NALF1: variants seen among roughly 807,000 people sequenced by gnomAD.
The protein encoded by NALF1 is family with sequence similarity 155 member A.
NALF1 carries 3 observed loss-of-function variants against 48.4 expected under a neutral mutation model. That is an observed-to-expected ratio of 0.06 (90% confidence interval 0.03 to 0.16). The LOEUF (loss-of-function observed/expected upper bound fraction) is 0.16, where lower values mean the gene tolerates loss of function less well. Among genes scored for constraint, NALF1 ranks in the 10% least tolerant of loss-of-function variants. The pLI is 1.00. For synonymous variants in NALF1, 262 were observed against 245.7 expected (o/e 1.07, Z -0.62); for missense variants, 526 against 571.5 (o/e 0.92, Z 0.81).
chr13:107,776,845 C>T (rs966962761), intron 1 of NALF1, among the ~76,000 whole-genome samples: 3 of 152,144 alleles, frequency 2.0e-5, no homozygotes, highest in African/African-American at 7.2e-5. Flanking sequence ...AATCCCAAAA[C>T]TTTGGGAGGC....
intron 1 of NALF1, among the ~76,000 whole-genome samples, chr13:107,707,431 G>A (rs1168152802): frequency 1.3e-5 from 2 of 152,164 alleles, no homozygotes; most frequent in Non-Finnish European, 2.9e-5. Flanking sequence ...TGTTGATGAT[G>A]TCTCTCCTAC....
intron 1 of NALF1, among the ~76,000 whole-genome samples, chr13:107,562,346 T>C (rs1428973173): frequency 6.6e-6 from 1 of 152,188 alleles, no homozygotes; most frequent in East Asian, 1.9e-4. Context: ...GCTTGTAATT[T>C]GTATATTGTA....
chr13:107,509,902 C>A (rs1283231493), intron 1 of NALF1, among the ~76,000 whole-genome samples: 3 of 152,080 alleles, frequency 2.0e-5, no homozygotes, highest in Non-Finnish European at 4.4e-5. Context: ...ACTTCCCAGG[C>A]TCAAAAGATC....
At chr13:107,543,704 T>C (rs965563035) in intron 1 of NALF1, among the ~76,000 whole-genome samples, 3 of 152,022 alleles carry the variant, frequency 2.0e-5, no homozygotes, top group African/African-American at 4.8e-5. Flanking sequence ...CACGTATATA[T>C]ATACACACAC....
chr13:107,526,467 A>T (rs1876446128), intron 1 of NALF1, among the ~76,000 whole-genome samples: 1 of 152,126 alleles, frequency 6.6e-6, no homozygotes, highest in South Asian at 2.1e-4. Context: ...TTATTTGTGT[A>T]GATCATTTAA....
chr13:107,664,897 C>T lies in NALF1; in HGVS notation c.915+200785G>A, dbSNP rs17364286. Among the ~76,000 whole-genome samples the T allele has an allele frequency of 7.5e-3, 1,142 of 152,118 alleles. 4 individuals are homozygous for T. Among genetic ancestry groups the T allele is most frequent in the Non-Finnish European group, 0.012 (807 of 67,996 alleles). ...GGGGTTTTTGTCCTCTTCTTCACATCCTACTCCAGCTCTTTGGTTTCAACT... is the reference window on the plus strand; with the variant it reads ...GGGGTTTTTGTCCTCTTCTTCACATTCTACTCCAGCTCTTTGGTTTCAACT... On this transcript the variant is annotated intron_variant, in intron 1 of 2. Coordinates refer to ENST00000375915, the MANE Select transcript of NALF1 (RefSeq NM_001080396.3).
rs564327468 is a variant in NALF1 at position 107,372,684 on chromosome 13, A to G, written c.916-161929T>C. The stretch of plus-strand genomic sequence containing the variant: ...GATCTTCAATTAGATAAGATAATAG[A>G]AAACATTTGGTGATAGATCAATGCT... On this transcript the variant is annotated intron_variant, in intron 1 of 2. Coordinates refer to ENST00000375915, the MANE Select transcript of NALF1 (RefSeq NM_001080396.3). Among the ~76,000 whole-genome samples the G allele has an allele frequency of 7.9e-5, 12 of 152,366 alleles. 1 individual carries two copies. The highest frequency in any genetic ancestry group is 2.9e-4 in the African/African-American group (12 of 41,592).
chr13:107,765,518 CCTA>C (rs1308540306), intron 1 of NALF1, among the ~76,000 whole-genome samples: 1 of 152,076 alleles, frequency 6.6e-6, no homozygotes, highest in Non-Finnish European at 1.5e-5. Flanking sequence ...ATCTTGCAAG[CCTA>C]CTTACATAGT....
chr13:107,349,689 C>T (rs760931136), intron 1 of NALF1, among the ~76,000 whole-genome samples: 3 of 146,914 alleles, frequency 2.0e-5, no homozygotes, highest in Non-Finnish European at 3.0e-5. Context: ...TTCAGTGAGC[C>T]GAGATGGGGC....
At chr13:107,218,530 C>T (rs1378195197) in intron 1 of NALF1, among the ~76,000 whole-genome samples, 5 of 152,202 alleles carry the variant, frequency 3.3e-5, no homozygotes, top group Non-Finnish European at 7.3e-5. Context: ...ACCAGGAACC[C>T]TGATGAGCCC....
intron 1 of NALF1, among the ~76,000 whole-genome samples, chr13:107,382,715 C>T (rs1883461101): frequency 6.6e-6 from 1 of 152,150 alleles, no homozygotes; most frequent in Admixed American, 6.5e-5. Flanking sequence ...CCTTGCCATA[C>T]TTAGAGAGTG....
chr13:107,834,780 G>C (rs1383077268), intron 1 of NALF1, among the ~76,000 whole-genome samples: 3 of 152,150 alleles, frequency 2.0e-5, no homozygotes, highest in Non-Finnish European at 4.4e-5. Context: ...TGAATATTCT[G>C]TCAAAACATT....
At chr13:107,763,420 T>C (rs1251938410) in intron 1 of NALF1, among the ~76,000 whole-genome samples, 2 of 150,476 alleles carry the variant, frequency 1.3e-5, no homozygotes, top group South Asian at 2.1e-4. Flanking sequence ...TCTCAAATGA[T>C]GTACTTTCAG....
chr13:107,383,240 C>T (rs1370246621), intron 1 of NALF1, among the ~76,000 whole-genome samples: 1 of 152,172 alleles, frequency 6.6e-6, no homozygotes, highest in Non-Finnish European at 1.5e-5. Flanking sequence ...TTATCTAATA[C>T]ACAACTTTAG....
chr13:107,704,845 T>C (rs987693089), intron 1 of NALF1, among the ~76,000 whole-genome samples: 7 of 152,152 alleles, frequency 4.6e-5, no homozygotes, highest in Non-Finnish European at 8.8e-5. Context: ...ACAGGTTACA[T>C]TGGGAGAGAG....
At chr13:107,681,118 G>A (rs570485440) in intron 1 of NALF1, among the ~76,000 whole-genome samples, 2 of 152,174 alleles carry the variant, frequency 1.3e-5, no homozygotes, top group African/African-American at 2.4e-5. Flanking sequence ...CCCCCTACTG[G>A]TGCATGACCC....
At chr13:107,296,789 AT>A (rs1299886008) in intron 1 of NALF1, among the ~76,000 whole-genome samples, 19 of 152,138 alleles carry the variant, frequency 1.2e-4, no homozygotes, top group Non-Finnish European at 1.8e-4. Flanking sequence ...ATATATATAT[AT>A]TTTTCAGAGT....
chr13:107,260,172 T>C (rs1168771620), intron 1 of NALF1, among the ~76,000 whole-genome samples: 1 of 152,178 alleles, frequency 6.6e-6, no homozygotes, highest in Non-Finnish European at 1.5e-5. Context: ...TAAACCTATA[T>C]CTAAGCATCC....
At chr13:107,387,477 GGTCTACTGCT>G (rs1385443465) in intron 1 of NALF1, among the ~76,000 whole-genome samples, 3 of 152,036 alleles carry the variant, frequency 2.0e-5, no homozygotes, top group Non-Finnish European at 4.4e-5. Context: ...TGTGGCTGCC[GGTCTACTGCT>G]GTCTTGTTCA....
Sources: allele counts gnomAD v4.1 joint callset (sites outside exome capture counted in the v4.1 genomes callset), GRCh38; gene constraint gnomAD v4.1.1; transcripts MANE v1.5; gene names NCBI Gene and HGNC (gene_info 2026-07-23, HGNC 2026-07-21).